Variants in GRIK2 observed in about 807,000 individuals in gnomAD.
GRIK2 encodes glutamate ionotropic receptor kainate type subunit 2.
A neutral mutation model predicts 100.3 loss-of-function variants in GRIK2; 32 were observed. The observed-to-expected ratio is 0.32, with a 90% CI of 0.24 to 0.43. The LOEUF (loss-of-function observed/expected upper bound fraction) is 0.43, where lower values mean the gene tolerates loss of function less well. GRIK2 is among the 20% of genes least tolerant of loss of function. GRIK2 has a pLI of 1.00. For missense variants in GRIK2, 843 were observed against 1,114.9 expected (o/e 0.76, Z 3.47); for synonymous variants, 417 against 389.4 (o/e 1.07, Z -0.83).
intron 7 of GRIK2, among the ~76,000 whole-genome samples, chr6:101,713,260 T>C (rs1007973185): frequency 6.6e-6 from 1 of 151,068 alleles, no homozygotes; most frequent in East Asian, 2.0e-4. Flanking sequence ...TTTGTATGCA[T>C]GAAAAAACCT....
intron 2 of GRIK2, among the ~76,000 whole-genome samples, chr6:101,460,677 G>T (rs190690898): frequency 3.3e-5 from 5 of 152,258 alleles, no homozygotes; most frequent in Non-Finnish European, 7.4e-5. Context: ...ACAGTAGGGG[G>T]TTATCTCCAT....
At chr6:102,035,193 G>GTATATATATATATATATATATATATA (rs139440547) in intron 14 of GRIK2, 148 bp from the exon 15 acceptor site, 1 of 211,400 alleles carries the variant, frequency 4.7e-6, no homozygotes, top group African/African-American at 2.5e-5. Flanking sequence ...GACTTTTTTG[G>GTATATATATATATATATATATATATA]TATATATATA....
chr6:101,810,438 A>G (rs1278790390), intron 9 of GRIK2, among the ~76,000 whole-genome samples: 1 of 152,020 alleles, frequency 6.6e-6, no homozygotes, highest in Non-Finnish European at 1.5e-5. Flanking sequence ...TAGTTCTCGA[A>G]TGGTAAAATC....
chr6:101,786,150 T>A (rs1312845513), intron 7 of GRIK2, among the ~76,000 whole-genome samples: 1 of 152,096 alleles, frequency 6.6e-6, no homozygotes, highest in African/African-American at 2.4e-5. Flanking sequence ...TGATTTTTGT[T>A]TGTTGATTTT....
chr6:101,414,853 G>T (rs1776046517), intron 2 of GRIK2, among the ~76,000 whole-genome samples: 1 of 152,024 alleles, frequency 6.6e-6, no homozygotes, highest in Admixed American at 6.6e-5. Flanking sequence ...AGAAGATATG[G>T]GATATGCACG....
At chr6:101,523,969 G>A (rs773787130) in intron 2 of GRIK2, among the ~76,000 whole-genome samples, 17 of 152,164 alleles carry the variant, frequency 1.1e-4, no homozygotes, top group South Asian at 2.1e-4. Flanking sequence ...CGATCCACCC[G>A]CCTTGGCCTC....
chr6:101,772,477 A>C (rs1397400170), intron 7 of GRIK2, among the ~76,000 whole-genome samples: 1 of 152,160 alleles, frequency 6.6e-6, no homozygotes, highest in Non-Finnish European at 1.5e-5. Flanking sequence ...TGAGTTCCAT[A>C]TTCTACTCTT....
chr6:101,475,087 G>A (rs1772159715), intron 2 of GRIK2, among the ~76,000 whole-genome samples: 1 of 151,704 alleles, frequency 6.6e-6, no homozygotes, highest in Non-Finnish European at 1.5e-5. Context: ...CTTCCCTTGA[G>A]GCCTTAGAAA....
At chr6:101,667,459 T>C (rs1303405999) in intron 4 of GRIK2, among the ~76,000 whole-genome samples, 6 of 152,170 alleles carry the variant, frequency 3.9e-5, no homozygotes, top group African/African-American at 1.4e-4. Context: ...ATGTATTAAG[T>C]GTCAAAGTGT....
At chr6:101,498,763 T>C (rs1773589838) in intron 2 of GRIK2, among the ~76,000 whole-genome samples, 1 of 152,184 alleles carries the variant, frequency 6.6e-6, no homozygotes, top group Non-Finnish European at 1.5e-5. Flanking sequence ...AGATTCTGGA[T>C]ATTAGCCCTT....
chr6:102,001,637 T>C (rs767418069), intron 14 of GRIK2, among the ~76,000 whole-genome samples: 5 of 152,102 alleles, frequency 3.3e-5, no homozygotes, highest in African/African-American at 4.8e-5. Context: ...TCCAAGTCTT[T>C]GCCATTGAAT....
intron 7 of GRIK2, among the ~76,000 whole-genome samples, chr6:101,764,283 A>G (rs1486377132): frequency 6.6e-6 from 1 of 152,050 alleles, no homozygotes; most frequent in Non-Finnish European, 1.5e-5. Flanking sequence ...CATGTACCAG[A>G]CGCCTCCACT....
rs1044462434 is a variant in GRIK2 at position 101,956,824 on chromosome 6, A to G, written c.2085+28192A>G. 3.3e-4 allele frequency among the ~76,000 whole-genome samples: 49 copies of G among 147,078 alleles called. 2 individuals carry two copies. In the South Asian group the frequency reaches 4.0e-3, roughly 12 times the overall value. On this transcript the variant is annotated intron_variant, in intron 14 of 16. Coordinates refer to ENST00000369134, the MANE Select transcript of GRIK2 (RefSeq NM_021956.5). The stretch of plus-strand genomic sequence containing the variant: ...ATATCAATAAAAATTATACATATCT[A>G]TAAGAATTTTATATATAAGAATTAT...
At chr6:101,852,477 C>A (rs558056258) in intron 10 of GRIK2, among the ~76,000 whole-genome samples, 1 of 152,200 alleles carries the variant, frequency 6.6e-6, no homozygotes, top group South Asian at 2.1e-4. Flanking sequence ...TCCCTGGCTT[C>A]CCCGGTTGAC....
chr6:101,817,497 C>G (rs1043441418), intron 9 of GRIK2, among the ~76,000 whole-genome samples: 4 of 152,236 alleles, frequency 2.6e-5, no homozygotes, highest in African/African-American at 9.6e-5. Context: ...GGAAAAAGAA[C>G]TGATTTCACA....
At chr6:101,857,936 C>T (rs985334448) in intron 10 of GRIK2, among the ~76,000 whole-genome samples, 1 of 152,150 alleles carries the variant, frequency 6.6e-6, no homozygotes, top group African/African-American at 2.4e-5. Context: ...TTATCCTCTT[C>T]CTGAAACACT....
rs141633672 is a variant in GRIK2, at chr6:102,070,009, T to G, written c.*1498T>G. ...TGACAACATTGTGATAACAGTTGAG[T>G]GCACACAGTTTGCTGTTTGAATCCA... On this transcript the variant is annotated 3_prime_UTR_variant, in exon 17 of 17. Transcript: ENST00000369134. 2.6e-5 allele frequency: 4 copies of G among 152,144 alleles called. No individual in the cohort carries two copies. The highest frequency in any genetic ancestry group is 4.4e-5 in the Non-Finnish European group (3 of 67,958). 9.4% of individuals were successfully genotyped at this position (152,144 alleles called of 1,614,324 possible).
At chr6:101,598,670 T>C (rs967983448) in intron 2 of GRIK2, among the ~76,000 whole-genome samples, 3 of 148,532 alleles carry the variant, frequency 2.0e-5, no homozygotes, top group African/African-American at 7.4e-5. Flanking sequence ...AAAAGTATTC[T>C]ACAATGACTT....
chr6:101,682,209 T>A (rs1033840788), intron 5 of GRIK2, among the ~76,000 whole-genome samples: 8 of 152,184 alleles, frequency 5.3e-5, no homozygotes, highest in Admixed American at 5.2e-4. Flanking sequence ...GTGTTCCTCA[T>A]TGGAGTATTT....
Sources: allele counts gnomAD v4.1 joint callset (sites outside exome capture counted in the v4.1 genomes callset), GRCh38; gene constraint gnomAD v4.1.1; transcripts MANE v1.5; gene names NCBI Gene and HGNC (gene_info 2026-07-23, HGNC 2026-07-21).